Variants in GPC6 observed in about 807,000 individuals in gnomAD.
The protein encoded by GPC6 is glypican 6.
GPC6 carries 14 observed loss-of-function variants against 55.2 expected under a neutral mutation model. The ratio of observed to expected loss-of-function variants is 0.25; its 90% CI spans 0.17 to 0.40. The LOEUF is 0.40. GPC6 is among the 10% of genes least tolerant of loss of function. GPC6 has a pLI of 1.00. For missense variants in GPC6, 641 were observed against 708.5 expected (o/e 0.90, Z 1.08); for synonymous variants, 278 against 259.6 (o/e 1.07, Z -0.68).
rs143614604 is a variant in GPC6, at chr13:93,769,653, CTTGCT to C, written c.320-60488_320-60484del. On this transcript the variant is annotated intron_variant, in intron 2 of 8. Transcript: ENST00000377047. ...TAACTTTTCTCTTTGTGCTTGCACACTTGCTTTGCTTTGCTTTCAATCTATAGTTA... is the reference window on the plus strand; with the variant it reads ...TAACTTTTCTCTTTGTGCTTGCACACTTGCTTTGCTTTCAATCTATAGTTA... 9.2e-5 allele frequency among the ~76,000 whole-genome samples: 14 copies of C among 152,316 alleles called. No individual in the cohort carries two copies. The East Asian group carries it at 1.3e-3, about 15-fold the overall frequency.
chr13:93,600,431 T>C (rs562882793), intron 2 of GPC6, among the ~76,000 whole-genome samples: 8 of 152,294 alleles, frequency 5.3e-5, no homozygotes, highest in African/African-American at 1.9e-4. Context: ...TAAGTTACAC[T>C]CTGGGAAGCT....
intron 2 of GPC6, among the ~76,000 whole-genome samples, chr13:93,745,273 A>G (rs1018797522): frequency 6.6e-6 from 1 of 151,856 alleles, no homozygotes; most frequent in Non-Finnish European, 1.5e-5. Context: ...TATATTCCAG[A>G]TGTTTTCTCA....
chr13:93,225,233 T>C (rs982260099), upstream of GPC6, among the ~76,000 whole-genome samples: 1 of 152,202 alleles, frequency 6.6e-6, no homozygotes, highest in South Asian at 2.1e-4. Flanking sequence ...AAAGAGAAGT[T>C]TGAAGGAAGT....
intron 1 of GPC6, among the ~76,000 whole-genome samples, chr13:93,515,671 T>C (rs144421871): frequency 1.3e-5 from 2 of 152,200 alleles, no homozygotes; most frequent in East Asian, 1.9e-4. Context: ...AAATAAATAC[T>C]GAAAATATAT....
chr13:93,575,112 G>A (rs1207315028), intron 2 of GPC6, among the ~76,000 whole-genome samples: 3 of 152,006 alleles, frequency 2.0e-5, no homozygotes, highest in South Asian at 2.1e-4. Context: ...TGGGCAACAC[G>A]GCGAAACCCT....
chr13:93,788,771 A>G (rs1594457792), intron 2 of GPC6, among the ~76,000 whole-genome samples: 1 of 152,254 alleles, frequency 6.6e-6, no homozygotes, highest in East Asian at 1.9e-4. Flanking sequence ...ACTGTGTTAG[A>G]CAGGCTATAT....
intron 1 of GPC6, among the ~76,000 whole-genome samples, chr13:93,512,348 C>G (rs1157586434): frequency 1.3e-5 from 2 of 151,950 alleles, no homozygotes; most frequent in Non-Finnish European, 2.9e-5. Context: ...GAGGTGTGTT[C>G]TGTCTATGTT....
chr13:93,820,125 A>G (rs1316125341), intron 2 of GPC6, among the ~76,000 whole-genome samples: 2 of 152,204 alleles, frequency 1.3e-5, no homozygotes, highest in Non-Finnish European at 2.9e-5. Flanking sequence ...CAAGGTATTG[A>G]TTATTTTTAA....
intron 2 of GPC6, among the ~76,000 whole-genome samples, chr13:93,596,771 T>G (rs896508294): frequency 6.7e-6 from 1 of 148,532 alleles, no homozygotes; most frequent in Non-Finnish European, 1.5e-5. Context: ...TGTGTATATA[T>G]ACACACATAC....
chr13:93,488,298 C>T (rs1400013909), intron 1 of GPC6, among the ~76,000 whole-genome samples: 1 of 152,176 alleles, frequency 6.6e-6, no homozygotes, highest in African/African-American at 2.4e-5. Flanking sequence ...AGGATGTGAA[C>T]TCATCCTTCT....
At chr13:93,334,265 C>G (rs1259584623) in intron 1 of GPC6, among the ~76,000 whole-genome samples, 1 of 152,070 alleles carries the variant, frequency 6.6e-6, no homozygotes, top group African/African-American at 2.4e-5. Flanking sequence ...ATTTTAATTA[C>G]TATAGTTCTG....
At chr13:93,353,716 G>A (rs759104550) in intron 1 of GPC6, among the ~76,000 whole-genome samples, 4 of 152,130 alleles carry the variant, frequency 2.6e-5, no homozygotes, top group Non-Finnish European at 4.4e-5. Flanking sequence ...TTTTTTGCTC[G>A]TGATTACTCA....
chr13:94,126,163 T>C (rs1406159070), intron 4 of GPC6, among the ~76,000 whole-genome samples: 3 of 152,098 alleles, frequency 2.0e-5, no homozygotes, highest in African/African-American at 7.2e-5. Context: ...GAGGATCACT[T>C]TGAGGCAAGA....
intron 4 of GPC6, among the ~76,000 whole-genome samples, chr13:94,088,494 G>A (rs1457692496): frequency 5.4e-5 from 8 of 147,534 alleles, no homozygotes; most frequent in East Asian, 2.0e-4. Context: ...TTTGAGAACA[G>A]CCTGGACAAC....
At chr13:93,589,518 C>T (rs946697802) in intron 2 of GPC6, among the ~76,000 whole-genome samples, 15 of 152,066 alleles carry the variant, frequency 9.9e-5, no homozygotes, top group Admixed American at 4.6e-4. Flanking sequence ...AATCATTGTA[C>T]GTTTTGGTAA....
chr13:93,730,288 G>A, intron 2 of GPC6, among the ~76,000 whole-genome samples: 1 of 152,104 alleles, frequency 6.6e-6, no homozygotes, highest in East Asian at 1.9e-4. Flanking sequence ...GGAGGAACAA[G>A]ACAGTTGAAT....
At chr13:94,035,639 T>C (rs181570668) in intron 4 of GPC6, among the ~76,000 whole-genome samples, 1 of 152,032 alleles carries the variant, frequency 6.6e-6, no homozygotes, top group Admixed American at 6.6e-5. Flanking sequence ...AGTCTCAAGA[T>C]TAGCAGCTAA....
At position 93,846,579 on chromosome 13, in the gene GPC6, G is replaced by A. The variant is rs766600558; in HGVS notation, c.711+16034G>A. On this transcript the variant is annotated intron_variant, in intron 3 of 8. Coordinates refer to ENST00000377047, the MANE Select transcript of GPC6 (RefSeq NM_005708.5). ...TGTAATCCCAGCAATTTGGGAGGCC[G>A]AGGCAGGTGGATCACGTGATGTCAG... Among the ~76,000 whole-genome samples the A allele has an allele frequency of 2.3e-4, 35 of 152,154 alleles. 2 individuals are homozygous for A. The highest frequency in any genetic ancestry group is 3.2e-4 in the Non-Finnish European group (22 of 68,032).
rs376295777 is a variant in GPC6, at chr13:94,042,366, C to T, written c.877+14472C>T. ...ATAGCAATGTAAGAACTTCCTAATA[C>T]ACCATACTACAACAATAAGACCAAG... On this transcript the variant is annotated intron_variant, in intron 4 of 8. Coordinates refer to ENST00000377047, the MANE Select transcript of GPC6 (RefSeq NM_005708.5). Among the ~76,000 whole-genome samples, 3 of 151,938 alleles carry T rather than the reference C, an allele frequency of 2.0e-5. No homozygotes were observed. In the East Asian group the frequency reaches 5.8e-4, roughly 29 times the overall value.
Sources: allele counts gnomAD v4.1 joint callset (sites outside exome capture counted in the v4.1 genomes callset), GRCh38; gene constraint gnomAD v4.1.1; transcripts MANE v1.5; gene names NCBI Gene and HGNC (gene_info 2026-07-23, HGNC 2026-07-21).